The following SPMIP2 variants were observed in gnomAD, a reference collection of about 807,000 sequenced individuals.
SPMIP2 encodes the protein protein SPMIP2.
the SPMIP2 span, among the ~76,000 whole-genome samples, chr4:158,946,091 A>T: frequency 3.3e-5 from 5 of 152,280 alleles, no homozygotes; most frequent in East Asian, 9.6e-4. Context: ...TTTCTCACAC[A>T]CTTTAGATGT....
chr4:159,016,965 G>T, the SPMIP2 span, among the ~76,000 whole-genome samples: 1 of 152,182 alleles, frequency 6.6e-6, no homozygotes, highest in Non-Finnish European at 1.5e-5. Flanking sequence ...GCGATGAGAC[G>T]GGAGGGGCCC....
the SPMIP2 span, among the ~76,000 whole-genome samples, chr4:158,930,085 T>A: frequency 0.09 from 13,642 of 152,256 alleles, 813 homozygotes; most frequent in Non-Finnish European, 0.14. Context: ...TACATAGAAT[T>A]CTTGGCTGAC....
the SPMIP2 span, among the ~76,000 whole-genome samples, chr4:159,066,928 G>A: frequency 2.0e-5 from 3 of 152,178 alleles, no homozygotes; most frequent in Non-Finnish European, 4.4e-5. Context: ...GCATGTTTGT[G>A]TATCAATAGA....
the SPMIP2 span, among the ~76,000 whole-genome samples, chr4:159,062,225 C>T: frequency 3.3e-5 from 5 of 152,142 alleles, no homozygotes; most frequent in Non-Finnish European, 7.4e-5. Context: ...GTAGTAGTTA[C>T]CTCTTGATTG....
chr4:158,929,073 A>G, the SPMIP2 span, among the ~76,000 whole-genome samples: 236 of 152,340 alleles, frequency 1.5e-3, no homozygotes, highest in African/African-American at 5.4e-3. Context: ...TTCCGGACAC[A>G]GTATGATCTT....
At chr4:158,915,210 G>A in the SPMIP2 span, 26 of 1,613,558 alleles carry the variant, frequency 1.6e-5, no homozygotes, top group Non-Finnish European at 2.2e-5. Context: ...AGGTGGTTTG[G>A]AAGCTCTTGG....
the SPMIP2 span, among the ~76,000 whole-genome samples, chr4:158,923,547 A>G: frequency 2.3e-5 from 2 of 87,326 alleles, no homozygotes; most frequent in African/African-American, 9.6e-5. Flanking sequence ...AAAAAAATAC[A>G]ATTGATTTTG....
the SPMIP2 span, among the ~76,000 whole-genome samples, chr4:159,071,745 G>A: frequency 6.6e-6 from 1 of 152,090 alleles, no homozygotes; most frequent in South Asian, 2.1e-4. Context: ...AGAGACTGGA[G>A]GATTCTACTC....
At chr4:158,930,911 A>G in the SPMIP2 span, among the ~76,000 whole-genome samples, 1 of 138,930 alleles carries the variant, frequency 7.2e-6, no homozygotes, top group Non-Finnish European at 1.5e-5. Context: ...CTTTGAGCTT[A>G]TCTTACTCAG....
chr4:159,041,014 T>C, the SPMIP2 span, among the ~76,000 whole-genome samples: 1 of 152,204 alleles, frequency 6.6e-6, no homozygotes, highest in Non-Finnish European at 1.5e-5. Context: ...CTCATCATGC[T>C]TCCCCTAAAT....
chr4:158,961,257 C>A, the SPMIP2 span, among the ~76,000 whole-genome samples: 2 of 152,172 alleles, frequency 1.3e-5, no homozygotes, highest in South Asian at 4.1e-4. Context: ...AAATTCTCTT[C>A]TCTCCTCTTC....
At chr4:158,989,416 T>C in the SPMIP2 span, among the ~76,000 whole-genome samples, 9 of 152,170 alleles carry the variant, frequency 5.9e-5, no homozygotes, top group Non-Finnish European at 1.2e-4. Context: ...AGAGCCCACA[T>C]AGCCAAGAAA....
the SPMIP2 span, chr4:158,895,885 G>A: frequency 1.4e-5 from 22 of 1,542,280 alleles, no homozygotes; most frequent in South Asian, 3.4e-5. Flanking sequence ...GTGAAGTGCC[G>A]TCACTTGTCC....
At chr4:158,997,231 C>CTTT in the SPMIP2 span, among the ~76,000 whole-genome samples, 8 of 135,880 alleles carry the variant, frequency 5.9e-5, no homozygotes, top group South Asian at 2.3e-4. Flanking sequence ...GTGAATATGG[C>CTTT]TTTTTTTTTT....
the SPMIP2 span, among the ~76,000 whole-genome samples, chr4:158,902,725 T>A: frequency 6.6e-6 from 1 of 152,270 alleles, no homozygotes; most frequent in African/African-American, 2.4e-5. Flanking sequence ...CCCAGTGGCC[T>A]TGCTGAGAGC....
the SPMIP2 span, among the ~76,000 whole-genome samples, chr4:158,988,838 A>C: frequency 0.63 from 95,702 of 151,874 alleles, 30,498 homozygotes; most frequent in Middle Eastern, 0.71. Context: ...GAATAGGATG[A>C]CCTCTCTCAC....
chr4:159,073,350 C>T, the SPMIP2 span, among the ~76,000 whole-genome samples: 5 of 152,024 alleles, frequency 3.3e-5, no homozygotes, highest in African/African-American at 1.2e-4. Flanking sequence ...AATGGGGTTT[C>T]ACCATGTTGC....
chr4:158,935,644 T>G, the SPMIP2 span, among the ~76,000 whole-genome samples: 1 of 152,270 alleles, frequency 6.6e-6, no homozygotes, highest in Non-Finnish European at 1.5e-5. Context: ...GAACTGATTT[T>G]AAATAACAAA....
chr4:158,967,713 G>T, the SPMIP2 span, among the ~76,000 whole-genome samples: 5 of 152,068 alleles, frequency 3.3e-5, no homozygotes, highest in African/African-American at 1.2e-4. Flanking sequence ...GAGAATTTGG[G>T]GATAAAAAAT....
Sources: allele counts gnomAD v4.1 joint callset (sites outside exome capture counted in the v4.1 genomes callset), GRCh38; gene constraint gnomAD v4.1.1; transcripts MANE v1.5; gene names NCBI Gene and HGNC (gene_info 2026-07-23, HGNC 2026-07-21).